Variants in NAV2 observed in about 807,000 individuals in gnomAD.
The protein encoded by NAV2 is helicase, APC down-regulated 1.
In NAV2, 54 loss-of-function variants were observed where a neutral mutation model predicts 223.2. The ratio of observed to expected loss-of-function variants is 0.24; its 90% CI spans 0.19 to 0.30. NAV2 has a LOEUF of 0.30. Among genes scored for constraint, NAV2 ranks in the 10% least tolerant of loss-of-function variants. The pLI is 1.00. For missense variants in NAV2, 2,806 were observed against 3,147.5 expected (o/e 0.89, Z 2.60); for synonymous variants, 1,279 against 1,239.3 (o/e 1.03, Z -0.67).
chr11:19,747,059 A>G lies in NAV2; in HGVS notation c.267+33097A>G, dbSNP rs368378230. Among the ~76,000 whole-genome samples the G allele has an allele frequency of 9.5e-5, 6 of 62,928 alleles. 2 individuals carry two copies. The East Asian group carries it at 3.8e-3, about 40-fold the overall frequency. 41.3% of individuals were successfully genotyped at this position (62,928 alleles called of 152,430 possible). A position where few individuals can be genotyped will look rare whatever the true frequency, so the allele number is the denominator to read the frequency against. On this transcript the variant is annotated intron_variant, in intron 1 of 37. Transcript: ENST00000349880. ...CCCTCTCCCCTCCCCCCACCCCACA[A>G]CAGTCCCCAGTGTGTGACATTCCCC...
intron 22 of NAV2, among the ~76,000 whole-genome samples, chr11:20,073,922 C>T (rs2059563515): frequency 6.6e-6 from 1 of 152,052 alleles, no homozygotes; most frequent in Non-Finnish European, 1.5e-5. Flanking sequence ...TTTTTTGTGT[C>T]TCTATCTCCT....
At chr11:19,907,969 G>A (rs2043008092) in intron 6 of NAV2, among the ~76,000 whole-genome samples, 1 of 152,202 alleles carries the variant, frequency 6.6e-6, no homozygotes, top group African/African-American at 2.4e-5. Flanking sequence ...CAGCCCCCAG[G>A]AAAGGAGCAG....
chr11:19,988,364 G>A lies in NAV2; in HGVS notation c.2768+4117G>A, dbSNP rs146085161. Among the ~76,000 whole-genome samples the A allele has an allele frequency of 2.6e-5, 4 of 152,302 alleles. No homozygotes were observed. In the East Asian group the frequency reaches 7.7e-4, roughly 29 times the overall value. On this transcript the variant is annotated intron_variant, in intron 11 of 37. Coordinates refer to ENST00000349880, the MANE Select transcript of NAV2 (RefSeq NM_145117.5). The stretch of plus-strand genomic sequence containing the variant: ...TTGGTAACTTTCTTCTAAGCCGTTA[G>A]AATACTTACTGAACTTCAGTGCTTT...
At chr11:19,919,564 G>A (rs1014559425) in intron 6 of NAV2, among the ~76,000 whole-genome samples, 5 of 152,316 alleles carry the variant, frequency 3.3e-5, no homozygotes, top group Middle Eastern at 3.4e-3. Context: ...TGGGAGCCAC[G>A]TATGAAACTA....
intron 10 of NAV2, among the ~76,000 whole-genome samples, chr11:19,959,356 C>T (rs2048161843): frequency 6.6e-6 from 1 of 152,168 alleles, no homozygotes; most frequent in South Asian, 2.1e-4. Flanking sequence ...CAACCCAAGG[C>T]AGATGGTGGT....
intron 1 of NAV2, among the ~76,000 whole-genome samples, chr11:19,802,536 A>G (rs1486553087): frequency 6.6e-6 from 1 of 151,868 alleles, no homozygotes; most frequent in African/African-American, 2.4e-5. Context: ...TTGGTTTTGG[A>G]TGAGTTATTA....
chr11:19,553,823 C>A (rs1338315943), intron 1 of NAV2, among the ~76,000 whole-genome samples: 2 of 152,214 alleles, frequency 1.3e-5, no homozygotes, highest in African/African-American at 4.8e-5. Context: ...AGGAGAGGTA[C>A]AGAGGCAGCA....
intron 1 of NAV2, among the ~76,000 whole-genome samples, chr11:19,392,981 A>G (rs992656256): frequency 1.3e-5 from 2 of 152,182 alleles, no homozygotes; most frequent in African/African-American, 4.8e-5. Flanking sequence ...TGGCCTCCCT[A>G]TGGGTCTTCC....
At chr11:20,050,540 C>T (rs797003594) in intron 16 of NAV2, among the ~76,000 whole-genome samples, 2 of 138,544 alleles carry the variant, frequency 1.4e-5, no homozygotes, top group African/African-American at 5.5e-5. Flanking sequence ...ATGACCTGGC[C>T]AAACATAACA....
At chr11:19,985,722 G>A (rs1015642973) in intron 11 of NAV2, among the ~76,000 whole-genome samples, 4 of 151,964 alleles carry the variant, frequency 2.6e-5, no homozygotes, top group African/African-American at 7.3e-5. Context: ...GATTATAGGC[G>A]TGTACCAGCA....
intron 1 of NAV2, among the ~76,000 whole-genome samples, chr11:19,540,988 A>G (rs2134529034): frequency 6.6e-6 from 1 of 152,346 alleles, no homozygotes; most frequent in South Asian, 2.1e-4. Flanking sequence ...AAAAGAAAAC[A>G]ATTCTGAGAA....
At chr11:19,560,940 TC>T (rs1260078792) in intron 1 of NAV2, among the ~76,000 whole-genome samples, 2 of 152,240 alleles carry the variant, frequency 1.3e-5, no homozygotes, top group African/African-American at 4.8e-5. Context: ...TCAGGACTCT[TC>T]CAAGAGTTTT....
At chr11:19,828,584 G>T (rs1265679470) in intron 1 of NAV2, among the ~76,000 whole-genome samples, 2 of 152,246 alleles carry the variant, frequency 1.3e-5, no homozygotes, top group Non-Finnish European at 2.9e-5. Context: ...GACCTACAGG[G>T]CTCAGGTGAT....
At chr11:19,880,608 G>A (rs966396313) in intron 5 of NAV2, among the ~76,000 whole-genome samples, 3 of 152,206 alleles carry the variant, frequency 2.0e-5, no homozygotes, top group African/African-American at 7.2e-5. Flanking sequence ...ATCCCTGAGC[G>A]GGGCAGTATC....
intron 1 of NAV2, among the ~76,000 whole-genome samples, chr11:19,701,421 C>G (rs1272925875): frequency 6.6e-6 from 1 of 152,104 alleles, no homozygotes; most frequent in Non-Finnish European, 1.5e-5. Flanking sequence ...TTGTGGTACC[C>G]CTTGGGAAGG....
At chr11:19,674,577 T>TA (rs1364259810) in intron 1 of NAV2, among the ~76,000 whole-genome samples, 32 of 152,296 alleles carry the variant, frequency 2.1e-4, no homozygotes, top group African/African-American at 7.5e-4. Flanking sequence ...AAACAAAAGG[T>TA]GGGGGCAAAC....
intron 1 of NAV2, among the ~76,000 whole-genome samples, chr11:19,613,042 G>T (rs1463819373): frequency 6.6e-6 from 1 of 152,168 alleles, no homozygotes; most frequent in Non-Finnish European, 1.5e-5. Context: ...GAGAGAATGA[G>T]GAAGAAGCAA....
At chr11:19,450,553 T>A (rs565745851) in intron 1 of NAV2, among the ~76,000 whole-genome samples, 1 of 152,196 alleles carries the variant, frequency 6.6e-6, no homozygotes, top group Non-Finnish European at 1.5e-5. Flanking sequence ...AAACAGCACA[T>A]AATTCAGAAC....
intron 1 of NAV2, among the ~76,000 whole-genome samples, chr11:19,415,939 A>G (rs964056726): frequency 2.0e-5 from 3 of 152,166 alleles, no homozygotes; most frequent in African/African-American, 7.2e-5. Context: ...TTGATGGAAC[A>G]TAGCTCAAAA....
Sources: gnomAD v4.1 joint callset for allele counts (sites outside exome capture counted in the v4.1 genomes callset) on GRCh38, gnomAD v4.1.1 for gene constraint, MANE v1.5 for transcripts, NCBI Gene and HGNC (gene_info 2026-07-23, HGNC 2026-07-21) for gene names.